The following ITGA1 variants were observed in gnomAD, a reference collection of about 807,000 sequenced individuals.
ITGA1 encodes integrin alpha-1.
In ITGA1, 85 loss-of-function variants were observed where a neutral mutation model predicts 145.9. The observed-to-expected ratio is 0.58, with a 90% CI of 0.49 to 0.70. The LOEUF (loss-of-function observed/expected upper bound fraction) is 0.70, where lower values mean the gene tolerates loss of function less well. Ranked by LOEUF, ITGA1 falls within the 30% of genes least tolerant of loss-of-function variation. The probability of loss-of-function intolerance (pLI) is 0.00; values close to 1 mark genes in which losing one functional copy is unlikely to be tolerated. For synonymous variants in ITGA1, 520 were observed against 495.3 expected (o/e 1.05, Z -0.66); for missense variants, 1,351 against 1,418.7 (o/e 0.95, Z 0.77).
intron 6 of ITGA1, among the ~76,000 whole-genome samples, chr5:52,881,045 C>T (rs975621964): frequency 3.3e-5 from 5 of 151,938 alleles, no homozygotes; most frequent in African/African-American, 9.7e-5. Flanking sequence ...TAGCTGCCTG[C>T]GTTATCCAAT....
At chr5:52,906,251 G>T (rs1480018952) in intron 12 of ITGA1, among the ~76,000 whole-genome samples, 1 of 152,184 alleles carries the variant, frequency 6.6e-6, no homozygotes, top group Admixed American at 6.5e-5. Context: ...GTGCAGAAAA[G>T]CTTATTAGAA....
At chr5:52,901,413 A>T (rs1252317168) in intron 11 of ITGA1, among the ~76,000 whole-genome samples, 1 of 152,254 alleles carries the variant, frequency 6.6e-6, no homozygotes, top group East Asian at 1.9e-4. Flanking sequence ...AACTTGTGGT[A>T]ATTTGTTACA....
intron 3 of ITGA1, among the ~76,000 whole-genome samples, chr5:52,862,130 C>A (rs6893079): frequency 0.81 from 121,980 of 150,166 alleles, 49,762 homozygotes; most frequent in African/African-American, 0.83. Context: ...AGGCAGGAGA[C>A]CTGCTTGAAC....
At chr5:52,800,534 TACAG>T (rs768283647) in intron 1 of ITGA1, 2 of 1,614,028 alleles carry the variant, frequency 1.2e-6, no homozygotes, top group Non-Finnish European at 8.5e-7. Context: ...ATCCGCAAGG[TACAG>T]ACAGAGTCCT....
chr5:52,915,014 A>G (rs1675475059), intron 14 of ITGA1, among the ~76,000 whole-genome samples: 1 of 152,300 alleles, frequency 6.6e-6, no homozygotes, highest in African/African-American at 2.4e-5. Context: ...GGGATGTGTT[A>G]TTTATACCCA....
chr5:52,835,947 G>T (rs1321251905), intron 1 of ITGA1, among the ~76,000 whole-genome samples: 1 of 152,088 alleles, frequency 6.6e-6, no homozygotes, highest in East Asian at 1.9e-4. Context: ...GAACTTTGCC[G>T]ATAATTGTAG....
At chr5:52,825,603 C>T (rs1309803343) in intron 1 of ITGA1, among the ~76,000 whole-genome samples, 2 of 152,020 alleles carry the variant, frequency 1.3e-5, no homozygotes, top group Admixed American at 6.6e-5. Flanking sequence ...TCTCTATTGC[C>T]TGAGGCACAA....
chr5:52,913,785 T>C (rs1183257714), intron 14 of ITGA1, among the ~76,000 whole-genome samples: 1 of 152,220 alleles, frequency 6.6e-6, no homozygotes, highest in Non-Finnish European at 1.5e-5. Flanking sequence ...AATCTATTCA[T>C]GTAATGCAAA....
chr5:52,897,000 G>A (rs1750236663), intron 9 of ITGA1, among the ~76,000 whole-genome samples: 1 of 152,116 alleles, frequency 6.6e-6, no homozygotes, highest in Admixed American at 6.5e-5. Flanking sequence ...TGATGGAGTT[G>A]AGAAACCTCT....
intron 3 of ITGA1, among the ~76,000 whole-genome samples, chr5:52,862,318 C>T (rs1030509027): frequency 9.2e-5 from 14 of 151,864 alleles, no homozygotes; most frequent in East Asian, 3.9e-4. Flanking sequence ...CGGTCTAAGG[C>T]GCTGAGTTCA....
At chr5:52,925,576 A>G (rs1467400076) in intron 19 of ITGA1, 89 bp downstream of exon 19, 1 of 966,830 alleles carries the variant, frequency 1.0e-6, no homozygotes, top group East Asian at 2.5e-5. Flanking sequence ...CTTTTATTAG[A>G]TTGATTTTGA....
At chr5:52,911,390 G>A (rs1186404993) in intron 14 of ITGA1, among the ~76,000 whole-genome samples, 2 of 132,414 alleles carry the variant, frequency 1.5e-5, no homozygotes, top group African/African-American at 5.5e-5. Flanking sequence ...AGTATATATA[G>A]TGTATATATA....
At chr5:52,866,603 C>A (rs946312629) in intron 6 of ITGA1, among the ~76,000 whole-genome samples, 1 of 152,116 alleles carries the variant, frequency 6.6e-6, no homozygotes, top group Non-Finnish European at 1.5e-5. Context: ...TTAATAATTT[C>A]TTTTCCCTAA....
At chr5:52,814,746 A>G (rs1366595443) in intron 1 of ITGA1, among the ~76,000 whole-genome samples, 3 of 151,848 alleles carry the variant, frequency 2.0e-5, no homozygotes, top group Non-Finnish European at 2.9e-5. Flanking sequence ...AAAGGGGGGG[A>G]AAGAAAAAGA....
chr5:52,940,707 T>C lies in ITGA1; in HGVS notation c.3285+763T>C, dbSNP rs1329518198. ...TATTTATTTCTCAGGAAGTATTTAG[T>C]TGAACATATGACTTTGCCATTTTTG... On this transcript the variant is annotated intron_variant, in intron 26 of 28. Coordinates refer to ENST00000282588, the MANE Select transcript of ITGA1 (RefSeq NM_181501.2). Among the ~76,000 whole-genome samples, 4 of 152,336 alleles carry C rather than the reference T, an allele frequency of 2.6e-5. No homozygotes were observed. The East Asian group carries it at 7.7e-4, about 29-fold the overall frequency.
At chr5:52,837,475 A>C (rs1200281058) in intron 1 of ITGA1, among the ~76,000 whole-genome samples, 1 of 152,098 alleles carries the variant, frequency 6.6e-6, no homozygotes, top group Non-Finnish European at 1.5e-5. Context: ...AAACATATAA[A>C]GTTAAAGCCA....
intron 7 of ITGA1, among the ~76,000 whole-genome samples, chr5:52,887,438 G>A (rs1750072008): frequency 6.6e-6 from 1 of 152,198 alleles, no homozygotes; most frequent in Non-Finnish European, 1.5e-5. Context: ...AAAGAGGCCT[G>A]TTAAATGAGA....
In ITGA1 at chr5:52,864,814, GA is replaced by G; in HGVS notation, c.348del (p.Ser117GlnfsTer3). ...GAAGTAAAGGAGAACATGACATTTG[GA>G]TCAACTTTAGTCACCAACCCAAATG... ...VTEVKENMTFGSTLVTNPNGG... is the reference protein window; with the variant it reads ...VTEVKENMTFXSTLVTNPNGG... On this transcript the variant is annotated frameshift_variant, in exon 4 of 29. Coordinates refer to ENST00000282588, the MANE Select transcript of ITGA1 (RefSeq NM_181501.2). LOFTEE classifies it high-confidence loss of function. 1 of 1,612,924 alleles carries G rather than the reference GA, an allele frequency of 6.2e-7. No homozygotes were observed. The highest frequency in any genetic ancestry group is 8.5e-7 in the Non-Finnish European group (1 of 1,179,168).
At chr5:52,910,463 C>T (rs1165157243) in intron 14 of ITGA1, 44 bp downstream of exon 14, 7 of 1,581,440 alleles carry the variant, frequency 4.4e-6, no homozygotes, top group Admixed American at 3.4e-5. Flanking sequence ...AGTGATAAGT[C>T]GGTTCAATGC....
Sources: allele counts gnomAD v4.1 joint callset (sites outside exome capture counted in the v4.1 genomes callset), GRCh38; gene constraint gnomAD v4.1.1; transcripts MANE v1.5; gene names NCBI Gene and HGNC (gene_info 2026-07-23, HGNC 2026-07-21).